BAZ2B: variants seen among roughly 807,000 people sequenced by gnomAD.
BAZ2B encodes the protein bromodomain adjacent to zinc finger domain protein 2B.
A neutral mutation model predicts 246.0 loss-of-function variants in BAZ2B; 91 were observed. The observed-to-expected ratio is 0.37, with a 90% CI of 0.31 to 0.44. The LOEUF (loss-of-function observed/expected upper bound fraction) is 0.44, where lower values mean the gene tolerates loss of function less well. Ranked by LOEUF, BAZ2B falls within the 20% of genes least tolerant of loss-of-function variation. The pLI is 1.00. For synonymous variants in BAZ2B, 855 were observed against 860.0 expected (o/e 0.99, Z 0.10); for missense variants, 2,332 against 2,533.7 (o/e 0.92, Z 1.71).
At chr2:159,544,371 A>C (rs896533785) in intron 2 of BAZ2B, among the ~76,000 whole-genome samples, 2 of 152,222 alleles carry the variant, frequency 1.3e-5, no homozygotes, top group African/African-American at 4.8e-5. Flanking sequence ...ATGCATATAG[A>C]GAATCAATAG....
the BAZ2B span, among the ~76,000 whole-genome samples, chr2:159,636,444 A>C: frequency 1.3e-5 from 2 of 152,174 alleles, no homozygotes; most frequent in East Asian, 3.9e-4. Flanking sequence ...CCTGTGCTGG[A>C]CTCAACTGGC....
At chr2:159,633,167 T>C in the BAZ2B span, among the ~76,000 whole-genome samples, 1 of 140,416 alleles carries the variant, frequency 7.1e-6, no homozygotes, top group Non-Finnish European at 1.6e-5. Context: ...TTTTTTTTTT[T>C]AGACAAGGTC....
At chr2:159,462,816 T>A in intron 3 of BAZ2B, 1 of 1,509,372 alleles carries the variant, frequency 6.6e-7, no homozygotes, top group South Asian at 1.1e-5. Context: ...CCATCGATAG[T>A]TTTTAGCATA....
intron 4 of BAZ2B, among the ~76,000 whole-genome samples, chr2:159,451,337 T>TA (rs1320746339): frequency 1.3e-5 from 2 of 152,324 alleles, no homozygotes; most frequent in Non-Finnish European, 2.9e-5. Flanking sequence ...GCATAAAATA[T>TA]AAAAAATTAT....
chr2:159,644,092 A>G, the BAZ2B span, among the ~76,000 whole-genome samples: 167 of 152,312 alleles, frequency 1.1e-3, 1 homozygote, highest in African/African-American at 3.8e-3. Flanking sequence ...GCAAGACCCC[A>G]TCTCTAATAA....
At chr2:159,404,650 A>C (rs1338542879) in intron 16 of BAZ2B, 199 bp downstream of exon 16, 1 of 501,346 alleles carries the variant, frequency 2.0e-6, no homozygotes, top group African/African-American at 2.0e-5. Flanking sequence ...TTTGGTAATC[A>C]TTTCTTTAAA....
chr2:159,657,139 T>G, the BAZ2B span, among the ~76,000 whole-genome samples: 1 of 152,198 alleles, frequency 6.6e-6, no homozygotes. Context: ...TTTAGGTCTA[T>G]CCATGCTTAA....
chr2:159,574,622 G>A (rs1684850640), intron 1 of BAZ2B, among the ~76,000 whole-genome samples: 1 of 152,028 alleles, frequency 6.6e-6, no homozygotes, highest in Non-Finnish European at 1.5e-5. Context: ...AATTATTCAA[G>A]TGTTCATCAA....
chr2:159,557,022 A>C (rs569475230), intron 1 of BAZ2B, among the ~76,000 whole-genome samples: 3 of 152,066 alleles, frequency 2.0e-5, no homozygotes, highest in Non-Finnish European at 4.4e-5. Flanking sequence ...CTTTTACCTC[A>C]GACCTTTCAC....
At chr2:159,684,766 T>A in the BAZ2B span, among the ~76,000 whole-genome samples, 1 of 152,256 alleles carries the variant, frequency 6.6e-6, no homozygotes, top group Non-Finnish European at 1.5e-5. Context: ...ACATTCCTTA[T>A]CCATTCTAAT....
intron 27 of BAZ2B, among the ~76,000 whole-genome samples, chr2:159,367,845 G>A (rs1031290864): frequency 7.9e-5 from 12 of 151,916 alleles, no homozygotes; most frequent in African/African-American, 7.3e-5. Context: ...CCAAGATCGC[G>A]CCACTGCACT....
the BAZ2B span, among the ~76,000 whole-genome samples, chr2:159,622,263 C>CAA: frequency 0.65 from 42,003 of 65,030 alleles, 14,058 homozygotes; most frequent in South Asian, 0.79. Context: ...AGTACTGTCT[C>CAA]AAAAAAAAAA....
At chr2:159,596,089 C>G (rs1399761527) in intron 1 of BAZ2B, among the ~76,000 whole-genome samples, 1 of 152,134 alleles carries the variant, frequency 6.6e-6, no homozygotes, top group Non-Finnish European at 1.5e-5. Context: ...AATCACAGCT[C>G]GGTATGTGCA....
rs759100784 is a variant in BAZ2B at position 159,349,177 on chromosome 2, G to A, written c.4967C>T (p.Ser1656Leu). The A allele has an allele frequency of 1.2e-4, 191 of 1,613,920 alleles. No homozygotes were observed. The highest frequency in any genetic ancestry group is 1.5e-4 in the Non-Finnish European group (174 of 1,179,966). ...ATTTCCTTCTGATAACCCTAACCCC[G>A]ATCCTAGACTAGGTACAGATGATGT... ...PFTSSVPSLG[S>L]GLGLSEGNGN... Residue 1656 changes from serine to leucine, a missense_variant, in exon 29 of 37, where the codon TCG (serine) becomes TTG (leucine). This residue lies in a region of BAZ2B where 676 missense variants were observed against 668.6 expected (regional missense o/e 1.01). Transcript: ENST00000392783.
intron 9 of BAZ2B, among the ~76,000 whole-genome samples, chr2:159,431,418 T>C (rs550021790): frequency 5.3e-5 from 8 of 152,340 alleles, no homozygotes; most frequent in South Asian, 2.1e-4. Context: ...TGAGTTCTGC[T>C]TAATGGCATC....
At chr2:159,642,810 TA>T in the BAZ2B span, among the ~76,000 whole-genome samples, 1 of 152,220 alleles carries the variant, frequency 6.6e-6, no homozygotes, top group Admixed American at 6.5e-5. Flanking sequence ...TCACCTTTTC[TA>T]AGCCTCGGTG....
chr2:159,479,792 A>T (rs1416825402), intron 2 of BAZ2B, among the ~76,000 whole-genome samples: 1 of 152,204 alleles, frequency 6.6e-6, no homozygotes, highest in African/African-American at 2.4e-5. Flanking sequence ...TGGGGAAGGT[A>T]ATCTTAAATT....
intron 29 of BAZ2B, 30 bp downstream of exon 29, chr2:159,348,977 A>C (rs1469013046): frequency 6.2e-7 from 1 of 1,606,028 alleles, no homozygotes; most frequent in African/African-American, 1.3e-5. Context: ...AAATTGAGTA[A>C]GTGGCTGTAA....
chr2:159,396,640 T>A (rs2064067230), intron 19 of BAZ2B: 1 of 152,208 alleles, frequency 6.6e-6, no homozygotes, highest in Admixed American at 6.6e-5. Context: ...ATTTGGTTTC[T>A]CCAAAGGGAT....
Sources: gnomAD v4.1 joint callset for allele counts (sites outside exome capture counted in the v4.1 genomes callset) on GRCh38, gnomAD v4.1.1 for gene constraint, gnomAD v4.1.1 regional missense constraint, MANE v1.5 for transcripts, NCBI Gene and HGNC (gene_info 2026-07-23, HGNC 2026-07-21) for gene names.